Variants in MARS1 observed in about 807,000 individuals in gnomAD.
The protein encoded by MARS1 is methionyl-tRNA synthetase 1, also known as methionine--tRNA ligase, cytoplasmic.
A neutral mutation model predicts 119.5 loss-of-function variants in MARS1; 80 were observed. The observed-to-expected ratio is 0.67, with a 90% confidence interval of 0.56 to 0.81. The LOEUF (loss-of-function observed/expected upper bound fraction) is 0.81. MARS1 is among the 30% of genes least tolerant of loss of function. The pLI, the probability that MARS1 is intolerant of heterozygous loss-of-function variation, is 0.00. For missense variants in MARS1, 945 were observed against 1,116.5 expected (o/e 0.85, Z 2.19); for synonymous variants, 418 against 433.4 (o/e 0.96, Z 0.44).
chr12:57,512,134 G>A (rs777373809), intron 13 of MARS1, 31 bp downstream of exon 13: 10 of 1,609,314 alleles, frequency 6.2e-6, no homozygotes, highest in Non-Finnish European at 8.5e-7. Flanking sequence ...CTGTGCATGG[G>A]GAGGGTAGGC....
Position 57,493,778 on chromosome 12 carries a change from T to TATATTATATATTATAA in MARS1, c.770+3149_770+3150insAATATTATATATTATA, listed in dbSNP as rs1876345958. ...TATATTATATATATTATATATAATA[T>TATATTATATATTATAA]ATATTATATATTATATATTATATTA... On this transcript the variant is annotated intron_variant, in intron 7 of 20. Coordinates refer to ENST00000262027, the MANE Select transcript of MARS1 (RefSeq NM_004990.4). 2.4e-3 allele frequency among the ~76,000 whole-genome samples: 2 copies of TATATTATATATTATAA among 848 alleles called. 1 individual carries two copies. Among genetic ancestry groups the TATATTATATATTATAA allele is most frequent in the East Asian group, 1 (2 of 2 alleles). 0.6% of individuals were successfully genotyped at this position (848 alleles called of 152,430 possible). A position where few individuals can be genotyped will look rare whatever the true frequency, so the allele number is the denominator to read the frequency against.
chr12:57,489,122 C>A lies in MARS1; in HGVS notation c.200+13C>A. 1 of 1,613,040 alleles carries A rather than the reference C, an allele frequency of 6.2e-7. No homozygotes were observed. Among genetic ancestry groups the A allele is most frequent in the South Asian group, 1.1e-5 (1 of 91,018 alleles). The stretch of plus-strand genomic sequence containing the variant: ...GTGCAATCTGCCGGTCAGTATTGGT[C>A]CTTGGTGTAGGGAGGTGGCTGAATC... On this transcript the variant is annotated intron_variant, in intron 2 of 20. Coordinates refer to ENST00000262027, the MANE Select transcript of MARS1 (RefSeq NM_004990.4).
At position 57,514,800 on chromosome 12, in the gene MARS1, C is replaced by T. The variant is rs1054403; in HGVS notation, c.2048C>T (p.Ala683Val). ...VLTPDDQRLL[A>V]HVTLELQHYH... ...ACCCCTGATGATCAGCGCCTGCTGGCCCATGTCACCCTGGAGCTCCAGCAC... is the reference window on the plus strand; with the variant it reads ...ACCCCTGATGATCAGCGCCTGCTGGTCCATGTCACCCTGGAGCTCCAGCAC... The change falls in exon 16 of 21, where the codon GCC (alanine) becomes GTC (valine). Residue 683 changes from alanine to valine, a missense_variant. Transcript: ENST00000262027. 1.2e-6 allele frequency: 2 copies of T among 1,614,200 alleles called. No homozygotes were observed. Among genetic ancestry groups the T allele is most frequent in the South Asian group, 1.1e-5 (1 of 91,090 alleles).
At chr12:57,492,682 C>G (rs900990464) in intron 7 of MARS1, among the ~76,000 whole-genome samples, 11 of 102,568 alleles carry the variant, frequency 1.1e-4, no homozygotes, top group African/African-American at 3.7e-4. Flanking sequence ...CACACACACA[C>G]ACACACACAC....
At position 57,512,076 on chromosome 12, in the gene MARS1, G is replaced by A. The variant is rs753817865; in HGVS notation, c.1608G>A (p.Trp536Ter). 6.2e-7 allele frequency: 1 copy of A among 1,614,154 alleles called. No homozygotes were observed. The highest frequency in any genetic ancestry group is 8.5e-7 in the Non-Finnish European group (1 of 1,180,012). ...LSITANYTDQ[W>*]ERWWKNPEQV... ...TCACAGCCAACTACACAGACCAGTG[G>A]GAGAGATGGTGGAAGAACCCAGAGC... The change falls in exon 13 of 21, where the codon TGG (tryptophan) becomes TGA (stop). Residue 536 changes from tryptophan to a stop codon, truncating the protein, a stop_gained. Transcript: ENST00000262027. LOFTEE classifies it high-confidence loss of function.
At chr12:57,511,945 G>C in intron 12 of MARS1, 63 bp from the exon 13 acceptor site, 8 of 1,605,972 alleles carry the variant, frequency 5.0e-6, no homozygotes, top group Non-Finnish European at 6.8e-6. Context: ...TGCTGATTAT[G>C]TCTTGTTTCA....
chr12:57,489,666 G>A, intron 4 of MARS1, 108 bp downstream of exon 4: 2 of 1,469,876 alleles, frequency 1.4e-6, no homozygotes, highest in South Asian at 1.2e-5. Flanking sequence ...TACTAGTAGT[G>A]TAATCTTGGC....
At chr12:57,498,299 C>T (rs966057423) in intron 8 of MARS1, 26 bp downstream of exon 8, 2 of 1,603,648 alleles carry the variant, frequency 1.2e-6, no homozygotes, top group African/African-American at 2.7e-5. Flanking sequence ...CGGGGAGAGA[C>T]CTCCTAAGGG....
In MARS1 at chr12:57,512,309, G is replaced by T; in HGVS notation, c.1709G>T (p.Gly570Val). The T allele has an allele frequency of 3.1e-6, 5 of 1,614,110 alleles. No individual in the cohort carries two copies. The highest frequency in any genetic ancestry group is 1.3e-5 in the African/African-American group (1 of 75,010). The change falls in exon 14 of 21, where the codon GGA becomes GTA. Residue 570 changes from glycine (G) to valine (V), a missense_variant. By Grantham distance (109) the Gly-to-Val change is moderately radical. Coordinates refer to ENST00000262027, the MANE Select transcript of MARS1 (RefSeq NM_004990.4). The part of the protein sequence containing the change: ...HSLVFPCSAL[G>V]AEDNYTLVSH... ...TTAGTCTTTCCTTGCTCAGCCCTAGGAGCTGAGGATAACTATACCTTGGTC... is the reference window on the plus strand; with the variant it reads ...TTAGTCTTTCCTTGCTCAGCCCTAGTAGCTGAGGATAACTATACCTTGGTC...
intron 11 of MARS1, among the ~76,000 whole-genome samples, chr12:57,511,336 C>T (rs1043267568): frequency 1.3e-5 from 2 of 151,950 alleles, no homozygotes; most frequent in African/African-American, 4.8e-5. Flanking sequence ...GTAGTCTCAG[C>T]GCTTTTGGAG....
At chr12:57,507,416 C>T (rs1877238531) in intron 11 of MARS1, among the ~76,000 whole-genome samples, 2 of 77,478 alleles carry the variant, frequency 2.6e-5, no homozygotes, top group African/African-American at 8.9e-5. Flanking sequence ...CCTCACTTCC[C>T]AGTAGGGGTG....
Position 57,489,935 on chromosome 12 carries a change from C to G in MARS1, c.454C>G (p.Leu152Val). ...SLADIVLWGA[L>V]YPLLQDPAYL... is the part of the protein sequence containing the mutation. ...AGCCGACATTGTTTTGTGGGGAGCCCTATACCCATTACTGCAAGATCCCGC... is the reference window on the plus strand; with the variant it reads ...AGCCGACATTGTTTTGTGGGGAGCCGTATACCCATTACTGCAAGATCCCGC... Residue 152 changes from leucine to valine, a missense_variant, in exon 5 of 21, where the codon CTA becomes GTA. Leu to Val is a conservative substitution (Grantham distance 32). Coordinates refer to ENST00000262027, the MANE Select transcript of MARS1 (RefSeq NM_004990.4). 1.9e-6 allele frequency: 3 copies of G among 1,614,120 alleles called. No homozygotes were observed. Among genetic ancestry groups the G allele is most frequent in the South Asian group, 1.1e-5 (1 of 91,086 alleles).
Position 57,512,962 on chromosome 12 carries a change from C to T in MARS1, c.1965C>T (p.Asn655=). The T allele has an allele frequency of 1.2e-6, 2 of 1,614,052 alleles. No homozygotes were observed. The highest frequency in any genetic ancestry group is 2.2e-5 in the East Asian group (1 of 44,884). ...TTAACAACCTGGGCAACTTCATCAA[C>T]AGGTAGGACTTGGTAAGGGGTCAGA... is the stretch of plus-strand genomic sequence containing the variant. ...ELLNNLGNFI[N]RAGMFVSKFF... The change falls in exon 15 of 21, where the codon AAC becomes AAT. Residue 655 remains asparagine, a splice_region_variant and synonymous_variant. Coordinates refer to ENST00000262027, the MANE Select transcript of MARS1 (RefSeq NM_004990.4).
chr12:57,493,808 ATGTATAT>A (rs1876366750), intron 7 of MARS1, among the ~76,000 whole-genome samples: 17 of 1,140 alleles, frequency 0.015, 2 homozygotes, highest in Admixed American at 0.1. Context: ...ATATTATATA[ATGTATAT>A]TATATATATT....
At chr12:57,503,296 C>T (rs758650301) in intron 10 of MARS1, among the ~76,000 whole-genome samples, 6 of 149,524 alleles carry the variant, frequency 4.0e-5, no homozygotes, top group South Asian at 2.1e-4. Flanking sequence ...TGCAATGGCG[C>T]GATCTCAGCT....
chr12:57,501,562 G>A (rs1203875058), intron 10 of MARS1, among the ~76,000 whole-genome samples: 6 of 152,094 alleles, frequency 3.9e-5, no homozygotes, highest in Non-Finnish European at 8.8e-5. Flanking sequence ...GCTCACGCCT[G>A]TAATCCCAGC....
At chr12:57,500,808 C>T (rs1190975053) in intron 10 of MARS1, among the ~76,000 whole-genome samples, 1 of 152,208 alleles carries the variant, frequency 6.6e-6, no homozygotes, top group Admixed American at 6.5e-5. Flanking sequence ...ATCCTTCTCT[C>T]TTCTTTAAAT....
At chr12:57,495,807 C>T (rs474544) in intron 7 of MARS1, among the ~76,000 whole-genome samples, 24,648 of 152,146 alleles carry the variant, frequency 0.16, 2,133 homozygotes, top group East Asian at 0.27. Flanking sequence ...GAGACCAGCC[C>T]GGCCAACACG....
At chr12:57,508,716 T>TAGAGGGTAGAGGGTAGAGGGTAGAGGGA (rs1594829834) in intron 11 of MARS1, among the ~76,000 whole-genome samples, 1 of 149,874 alleles carries the variant, frequency 6.7e-6, no homozygotes, top group Non-Finnish European at 1.5e-5. Context: ...GGGTAGAGGG[T>TAGAGGGTAGAGGGTAGAGGGTAGAGGGA]AGAGGGAGAG....
Sources: allele counts gnomAD v4.1 joint callset (sites outside exome capture counted in the v4.1 genomes callset), GRCh38; gene constraint gnomAD v4.1.1; transcripts MANE v1.5; gene names NCBI Gene and HGNC (gene_info 2026-07-23, HGNC 2026-07-21).